Variants in PCDHGB5 observed in about 807,000 individuals in gnomAD.
The protein encoded by PCDHGB5 is protocadherin gamma subfamily B, 5.
In PCDHGB5, 48 loss-of-function variants were observed where a neutral mutation model predicts 62.9. That is an observed-to-expected ratio of 0.76 (90% CI 0.61 to 0.97). PCDHGB5 has a LOEUF of 0.97. PCDHGB5 is among the 50% of genes least tolerant of loss of function. PCDHGB5 has a pLI of 0.00. For synonymous variants in PCDHGB5, 474 were observed against 511.2 expected (o/e 0.93, Z 0.98); for missense variants, 1,118 against 1,198.6 (o/e 0.93, Z 0.99).
At chr5:141,406,948 CAT>C (rs777377851) in intron 1 of PCDHGB5, among the ~76,000 whole-genome samples, 2 of 152,096 alleles carry the variant, frequency 1.3e-5, no homozygotes, top group Non-Finnish European at 2.9e-5. Context: ...TTATTTTAAA[CAT>C]AGTGTTGTTT....
chr5:141,418,372 A>T (rs771262387), intron 1 of PCDHGB5: 25 of 1,613,968 alleles, frequency 1.5e-5, no homozygotes, highest in Non-Finnish European at 2.1e-5. Flanking sequence ...GCAAATACCA[A>T]CTAAGTCCTA....
At chr5:141,484,061 G>A (rs570687480) in intron 1 of PCDHGB5, among the ~76,000 whole-genome samples, 8 of 152,124 alleles carry the variant, frequency 5.3e-5, no homozygotes, top group Non-Finnish European at 1.0e-4. Context: ...CTGGGGCTAA[G>A]TGAAAAGCTT....
At position 141,438,623 on chromosome 5, in the gene PCDHGB5, TATATATATATATAC is replaced by T. The variant is rs537048311; in HGVS notation, c.2397+38101_2397+38114del. Among the ~76,000 whole-genome samples the T allele has an allele frequency of 0.015, 646 of 42,812 alleles. 25 individuals are homozygous for T. In the East Asian group the frequency reaches 0.19, roughly 12 times the overall value. The allele number at this position is 42,812 out of a possible 152,430, so 28.1% of individuals were successfully genotyped here. A position where few individuals can be genotyped will look rare whatever the true frequency, so the allele number is the denominator to read the frequency against. On this transcript the variant is annotated intron_variant, in intron 1 of 3. Transcript: ENST00000617380. ...ATATATATATATATATATATATATA[TATATATATATATAC>T]ACACACACACACACATATATGTATA...
At chr5:141,403,786 A>G (rs1317253233) in intron 1 of PCDHGB5, 1 of 1,613,848 alleles carries the variant, frequency 6.2e-7, no homozygotes, top group African/African-American at 1.3e-5. Flanking sequence ...GAAAAGTGGC[A>G]TACAAATTCT....
chr5:141,510,709 CAGTGAGTAAGGAA>C (rs1452833908), intron 3 of PCDHGB5, among the ~76,000 whole-genome samples: 7 of 152,168 alleles, frequency 4.6e-5, no homozygotes, highest in Admixed American at 4.6e-4. Flanking sequence ...CCCAGGATCA[CAGTGAGTAAGGAA>C]AGGAGCTAGG....
At position 141,476,112 on chromosome 5, in the gene PCDHGB5, G is replaced by A. The variant is rs1201449171; in HGVS notation, c.2398-18695G>A. 2.5e-6 allele frequency: 4 copies of A among 1,590,646 alleles called. No homozygotes were observed. Among genetic ancestry groups the A allele is most frequent in the Non-Finnish European group, 2.6e-6 (3 of 1,170,830 alleles). ...CCCCGCTGAGAGGAACTGCTTTTGA[G>A]TGAGATGGTCCCAGAGGCCTGGAGG... On this transcript the variant is annotated intron_variant, in intron 1 of 3. Transcript: ENST00000617380. The surrounding 1 kb of genome is among the most constrained non-coding windows in gnomAD (Gnocchi z 7.6).
chr5:141,476,922 C>T lies in PCDHGB5; in HGVS notation c.2398-17885C>T. 4 of 1,614,120 alleles carry T rather than the reference C, an allele frequency of 2.5e-6. No individual in the cohort carries two copies. Among genetic ancestry groups the T allele is most frequent in the Non-Finnish European group, 2.5e-6 (3 of 1,180,050 alleles). On this transcript the variant is annotated intron_variant, in intron 1 of 3. Transcript: ENST00000617380. The surrounding 1 kb of genome is among the most constrained non-coding windows in gnomAD (Gnocchi z 7.6). ...ACGCGCGTGGTACAAGTCCTTGCAA[C>T]GGATCTGGATGAAGGCCCCAACGGT...
intron 1 of PCDHGB5, chr5:141,418,683 CAG>C: frequency 6.2e-7 from 1 of 1,614,048 alleles, no homozygotes; most frequent in African/African-American, 1.3e-5. Flanking sequence ...GGCATCAACT[CAG>C]AGATCACTTA....
At chr5:141,423,757 G>C (rs562479446) in intron 1 of PCDHGB5, 29 of 395,138 alleles carry the variant, frequency 7.3e-5, no homozygotes, top group African/African-American at 6.1e-4. Flanking sequence ...GTTTGGGGGG[G>C]GGGTGGGGCG....
At chr5:141,461,007 A>G (rs965754689) in intron 1 of PCDHGB5, among the ~76,000 whole-genome samples, 1 of 151,418 alleles carries the variant, frequency 6.6e-6, no homozygotes, top group Non-Finnish European at 1.5e-5. Flanking sequence ...GTGTATATAT[A>G]TATACCACAT....
chr5:141,431,022 G>A lies in PCDHGB5; in HGVS notation c.2397+30498G>A. ...CGCAGCGGCAGCTTGGTCACGGCGG[G>A]CAGGATAGACCGGGAGGAGCTCTGT... On this transcript the variant is annotated intron_variant, in intron 1 of 3. Transcript: ENST00000617380. This position sits in a 1 kb window ranked among gnomAD's most constrained non-coding sequence, Gnocchi z 4.8. 1 of 1,614,078 alleles carries A rather than the reference G, an allele frequency of 6.2e-7. No individual in the cohort carries two copies. Among genetic ancestry groups the A allele is most frequent in the African/African-American group, 1.3e-5 (1 of 75,074 alleles).
At chr5:141,478,468 C>A (rs2099457906) in intron 1 of PCDHGB5, 2 of 1,613,800 alleles carry the variant, frequency 1.2e-6, no homozygotes, top group Admixed American at 1.7e-5. Flanking sequence ...CACTGGCCAG[C>A]CGCCAGAACA....
intron 1 of PCDHGB5, chr5:141,423,360 G>T (rs762976655): frequency 1.2e-6 from 2 of 1,614,224 alleles, no homozygotes; most frequent in South Asian, 2.2e-5. Context: ...TTGTCATCGT[G>T]CTGCTGGCAC....
chr5:141,451,597 C>A (rs2098719892), intron 1 of PCDHGB5, among the ~76,000 whole-genome samples: 1 of 152,076 alleles, frequency 6.6e-6, no homozygotes, highest in Admixed American at 6.6e-5. Context: ...AAGTGACATA[C>A]AAGGCTAGGC....
chr5:141,444,238 C>T (rs1011385887), intron 1 of PCDHGB5, among the ~76,000 whole-genome samples: 6 of 125,052 alleles, frequency 4.8e-5, no homozygotes, highest in Non-Finnish European at 9.4e-5. Context: ...ATGGCATGCT[C>T]TCGGCTCACT....
intron 1 of PCDHGB5, chr5:141,424,778 T>G (rs1009835492): frequency 1.3e-5 from 2 of 152,166 alleles, no homozygotes; most frequent in African/African-American, 4.8e-5. Flanking sequence ...AATAGTACAT[T>G]CAGTTCTTTT....
At chr5:141,459,814 T>C (rs757306281) in intron 1 of PCDHGB5, among the ~76,000 whole-genome samples, 1 of 152,256 alleles carries the variant, frequency 6.6e-6, no homozygotes, top group African/African-American at 2.4e-5. Flanking sequence ...CTAGAGACAC[T>C]GAGCAACTTT....
chr5:141,403,339 C>A, intron 1 of PCDHGB5: 2 of 1,614,010 alleles, frequency 1.2e-6, no homozygotes, highest in Non-Finnish European at 1.7e-6. Flanking sequence ...TTAACGACAG[C>A]GCCCCAAAGT....
intron 1 of PCDHGB5, chr5:141,427,891 G>A (rs767506033): frequency 1.3e-6 from 2 of 1,566,658 alleles, no homozygotes; most frequent in South Asian, 2.2e-5. Context: ...CACGACCAGG[G>A]CTCGCCCGCG....
Sources: gnomAD v4.1 joint callset for allele counts (sites outside exome capture counted in the v4.1 genomes callset) on GRCh38, gnomAD v4.1.1 for gene constraint, Gnocchi (gnomAD v3.1) non-coding constraint, MANE v1.5 for transcripts, NCBI Gene and HGNC (gene_info 2026-07-23, HGNC 2026-07-21) for gene names.